The following TMEM232 variants were observed in gnomAD, a reference collection of about 807,000 sequenced individuals.
TMEM232 encodes the protein transmembrane protein 232.
TMEM232 carries 80 observed loss-of-function variants against 78.8 expected under a neutral mutation model. The observed-to-expected ratio is 1.01, with a 90% CI of 0.85 to 1.22. TMEM232 has a LOEUF of 1.22. TMEM232 is among the 50% of genes most tolerant of loss of function. The pLI is 0.00. For missense variants in TMEM232, 881 were observed against 742.2 expected, an observed-to-expected ratio of 1.19 and a Z score of -2.17; for synonymous variants, 297 against 254.3, an observed-to-expected ratio of 1.17 and a Z score of -1.60.
At chr5:110,685,003 A>T (rs1580656597) in intron 1 of TMEM232, 2 of 152,170 alleles carry the variant, frequency 1.3e-5, no homozygotes, top group East Asian at 3.8e-4. Flanking sequence ...GGTAATCTAC[A>T]TGAGTAGATT....
rs562534808 is a variant in TMEM232, at chr5:110,627,815, T to A, written c.567A>T (p.Lys189Asn). 8.5e-6 allele frequency: 13 copies of A among 1,534,812 alleles called. No homozygotes were observed. The African/African-American group carries it at 1.3e-4, about 15-fold the overall frequency. The change falls in exon 6 of 14, where the codon AAA (lysine) becomes AAT (asparagine). Residue 189 changes from lysine (K) to asparagine (N), a missense_variant. Transcript: ENST00000455884. ...ATGGTTGAAGCCTAAGTAAATGTTGTTTAAAACTTTCTAGATGACCATGCA... is the reference window on the plus strand; with the variant it reads ...ATGGTTGAAGCCTAAGTAAATGTTGATTAAAACTTTCTAGATGACCATGCA... ...FFLHGHLESF[K>N]QHLLRLQPYL...
At chr5:110,677,136 C>T (rs2445864) in intron 1 of TMEM232, among the ~76,000 whole-genome samples, 148,331 of 152,284 alleles carry the variant, frequency 0.97, 72,333 homozygotes, top group Non-Finnish European at 1. Flanking sequence ...ATTTCTCTGA[C>T]GATTAGTGAT....
At chr5:110,727,118 G>A (rs887841878), upstream of TMEM232, among the ~76,000 whole-genome samples, 20 of 152,168 alleles carry the variant, frequency 1.3e-4, no homozygotes, top group Non-Finnish European at 2.8e-4. Context: ...GTTCTGCTAT[G>A]TACTAAACAC....
intron 12 of TMEM232, among the ~76,000 whole-genome samples, chr5:110,501,185 A>G (rs981759915): frequency 2.0e-5 from 3 of 152,212 alleles, no homozygotes; most frequent in Non-Finnish European, 4.4e-5. Flanking sequence ...ATAGAACAAC[A>G]GAAAAGAAAA....
At chr5:110,487,432 T>C (rs912195723) in intron 12 of TMEM232, among the ~76,000 whole-genome samples, 3 of 152,120 alleles carry the variant, frequency 2.0e-5, no homozygotes, top group African/African-American at 7.2e-5. Context: ...TTCGGTATTA[T>C]GTTGGATGTG....
chr5:110,464,828 C>CTG (rs1191896699), intron 12 of TMEM232, among the ~76,000 whole-genome samples: 4 of 152,080 alleles, frequency 2.6e-5, no homozygotes, highest in Non-Finnish European at 2.9e-5. Context: ...ATGTATCTAT[C>CTG]TGTGTATCTA....
At chr5:110,685,112 T>A (rs1793231290) in intron 1 of TMEM232, among the ~76,000 whole-genome samples, 1 of 152,080 alleles carries the variant, frequency 6.6e-6, no homozygotes, top group African/African-American at 2.4e-5. Flanking sequence ...TAATTCTAGG[T>A]CACCTACGGC....
At chr5:110,505,235 A>T (rs905137870) in intron 12 of TMEM232, among the ~76,000 whole-genome samples, 1 of 152,142 alleles carries the variant, frequency 6.6e-6, no homozygotes, top group Admixed American at 6.6e-5. Flanking sequence ...CACTGGACCA[A>T]AGGGCTCCTA....
chr5:110,471,487 G>A (rs1281363647), intron 12 of TMEM232, among the ~76,000 whole-genome samples: 1 of 152,036 alleles, frequency 6.6e-6, no homozygotes, highest in Non-Finnish European at 1.5e-5. Context: ...AAGACAATGA[G>A]AGGATTTTAA....
intron 11 of TMEM232, among the ~76,000 whole-genome samples, chr5:110,566,411 G>A (rs1388482903): frequency 6.6e-6 from 1 of 151,746 alleles, no homozygotes; most frequent in Non-Finnish European, 1.5e-5. Flanking sequence ...AAAATGGGAT[G>A]CAGGCTGCAA....
chr5:110,649,802 T>C (rs1053894750), intron 2 of TMEM232, among the ~76,000 whole-genome samples: 2 of 152,086 alleles, frequency 1.3e-5, no homozygotes, highest in Non-Finnish European at 2.9e-5. Flanking sequence ...TTAAGCTTTT[T>C]TGTCTTTTTA....
intron 4 of TMEM232, among the ~76,000 whole-genome samples, chr5:110,639,273 A>G (rs950686962): frequency 6.6e-6 from 1 of 152,290 alleles, no homozygotes; most frequent in African/African-American, 2.4e-5. Context: ...TACAGGTAAA[A>G]CACTCATTCA....
chr5:110,559,963 C>T lies in TMEM232; in HGVS notation c.1455+8484G>A, dbSNP rs184745389. 2.8e-3 allele frequency among the ~76,000 whole-genome samples: 420 copies of T among 152,252 alleles called. 2 individuals are homozygous for T. Among genetic ancestry groups the T allele is most frequent in the Non-Finnish European group, 3.2e-3 (221 of 68,018 alleles). On this transcript the variant is annotated intron_variant, in intron 11 of 13. Coordinates refer to ENST00000455884, the MANE Select transcript of TMEM232 (RefSeq NM_001039763.4). ...CTCTATCCCTGTGTCTTTGTTTTCA[C>T]GATTGCCTTCTTATAAAGACACCAA...
At position 110,625,397 on chromosome 5, in the gene TMEM232, G is replaced by A; in HGVS notation, c.638C>T (p.Pro213Leu). The A allele has an allele frequency of 6.5e-7, 1 of 1,543,448 alleles. No homozygotes were observed. The highest frequency in any genetic ancestry group is 8.8e-7 in the Non-Finnish European group (1 of 1,142,570). Residue 213 changes from proline to leucine, a missense_variant, in exon 7 of 14, where the codon CCA (proline) becomes CTA (leucine). Transcript: ENST00000455884. ...GAATTGCACATTTGAAAAGATGTTT[G>A]GATACTTGTGATATGATGCTCCAGA... ...SFSGASYHKYPNIFSNVQFIL... is the reference protein window; with the variant it reads ...SFSGASYHKYLNIFSNVQFIL...
intron 11 of TMEM232, among the ~76,000 whole-genome samples, chr5:110,565,426 AC>A (rs1776223353): frequency 6.6e-6 from 1 of 151,868 alleles, no homozygotes; most frequent in African/African-American, 2.4e-5. Flanking sequence ...AACCCAGGCA[AC>A]CTTTGCTGTA....
At chr5:110,487,699 A>T (rs1764620108) in intron 12 of TMEM232, among the ~76,000 whole-genome samples, 1 of 152,092 alleles carries the variant, frequency 6.6e-6, no homozygotes, top group Non-Finnish European at 1.5e-5. Context: ...ATGTTGTTGG[A>T]TTCAGTTGGC....
chr5:110,399,699 A>C (rs1338821150), intron 2 of TMEM232, among the ~76,000 whole-genome samples: 1 of 152,026 alleles, frequency 6.6e-6, no homozygotes, highest in Non-Finnish European at 1.5e-5. Context: ...GAAGCTTTTA[A>C]GCTCTTCTTG....
intron 1 of TMEM232, among the ~76,000 whole-genome samples, chr5:110,678,117 T>G (rs1457525744): frequency 1.3e-5 from 2 of 152,160 alleles, no homozygotes; most frequent in Non-Finnish European, 2.9e-5. Context: ...CAGGCTAGAG[T>G]GCAATGGTGC....
At chr5:110,640,754 T>G (rs1786564654) in intron 4 of TMEM232, 137 bp downstream of exon 4, 2 of 454,190 alleles carry the variant, frequency 4.4e-6, no homozygotes, top group Middle Eastern at 3.4e-4. Context: ...TGAATTTTCA[T>G]AATAAAATGT....
Sources: gnomAD v4.1 joint callset for allele counts (sites outside exome capture counted in the v4.1 genomes callset) on GRCh38, gnomAD v4.1.1 for gene constraint, MANE v1.5 for transcripts, NCBI Gene and HGNC (gene_info 2026-07-23, HGNC 2026-07-21) for gene names.